MORN4: variants seen among roughly 807,000 people sequenced by gnomAD.
MORN4 encodes the protein MORN repeat-containing protein 4.
A neutral mutation model predicts 16.4 loss-of-function variants in MORN4; 8 were observed. The observed-to-expected ratio is 0.49, with a 90% CI of 0.29 to 0.88. The LOEUF is 0.88. Ranked by LOEUF, MORN4 falls within the 40% of genes least tolerant of loss-of-function variation. The pLI, the probability that MORN4 is intolerant of heterozygous loss-of-function variation, is 0.09. For missense variants in MORN4, 159 were observed against 182.9 expected, an observed-to-expected ratio of 0.87 and a Z score of 0.75; for synonymous variants, 53 against 68.9, an observed-to-expected ratio of 0.77 and a Z score of 1.14.
intron 4 of MORN4, 71 bp from the exon 5 acceptor site, chr10:97,616,482 G>A (rs2041237463): frequency 6.7e-7 from 1 of 1,500,494 alleles, no homozygotes; most frequent in East Asian, 2.3e-5. Flanking sequence ...CATATCTTTG[G>A]CCTTGATATG....
chr10:97,623,930 G>A (rs2041326526), intron 1 of MORN4, among the ~76,000 whole-genome samples: 1 of 151,972 alleles, frequency 6.6e-6, no homozygotes, highest in South Asian at 2.1e-4. Flanking sequence ...TAGAGATGGA[G>A]TTTCACCGTG....
chr10:97,625,431 T>C (rs2041338157), intron 1 of MORN4, among the ~76,000 whole-genome samples: 1 of 152,166 alleles, frequency 6.6e-6, no homozygotes, highest in Non-Finnish European at 1.5e-5. Flanking sequence ...TGAGAGTCAG[T>C]GGGTGACAGA....
intron 2 of MORN4, 58 bp downstream of exon 2, chr10:97,619,529 A>G: frequency 7.8e-7 from 1 of 1,288,374 alleles, no homozygotes; most frequent in Non-Finnish European, 1.1e-6. Context: ...ATCCTGATGT[A>G]TTTGTCCTCC....
At chr10:97,619,366 AAAAAG>A (rs1457289778) in intron 2 of MORN4, 2 of 583,066 alleles carry the variant, frequency 3.4e-6, no homozygotes, top group African/African-American at 3.7e-5. Flanking sequence ...CAGAAGCAAA[AAAAAG>A]AAAGATATAA....
intron 4 of MORN4, 75 bp downstream of exon 4, chr10:97,616,603 A>C (rs1589916913): frequency 7.4e-7 from 1 of 1,354,476 alleles, no homozygotes; most frequent in Admixed American, 1.7e-5. Context: ...CACCCGCAGG[A>C]TTAAAACTAA....
chr10:97,616,493 T>A, intron 4 of MORN4, 82 bp from the exon 5 acceptor site: 1 of 1,481,908 alleles, frequency 6.7e-7, no homozygotes, highest in Non-Finnish European at 9.1e-7. Context: ...CCTTGATATG[T>A]CCAGGCCAAA....
intron 1 of MORN4, among the ~76,000 whole-genome samples, chr10:97,629,834 C>T (rs1375232239): frequency 6.6e-6 from 1 of 151,794 alleles, no homozygotes; most frequent in Non-Finnish European, 1.5e-5. Context: ...TCTCGGCTCA[C>T]TGCAAGCTCC....
rs769922143 is a variant in MORN4, at chr10:97,619,574, G to A, written c.67+13C>T. 1.3e-6 allele frequency: 2 copies of A among 1,593,450 alleles called. No individual in the cohort carries two copies. The highest frequency in any genetic ancestry group is 1.7e-6 in the Non-Finnish European group (2 of 1,161,356). On this transcript the variant is annotated intron_variant, in intron 2 of 4. Coordinates refer to ENST00000307450, the MANE Select transcript of MORN4 (RefSeq NM_178832.4). ...AGTGTTCATCATGGATACTCCCCAG[G>A]GGTCCTTCTCACCCTCCTTCCACTC... is the stretch of plus-strand genomic sequence containing the variant.
At chr10:97,619,133 TG>T (rs1274453362) in intron 2 of MORN4, among the ~76,000 whole-genome samples, 1 of 152,124 alleles carries the variant, frequency 6.6e-6, no homozygotes, top group Admixed American at 6.5e-5. Flanking sequence ...GAGACCAGCC[TG>T]GCCAACATGG....
At position 97,616,160 on chromosome 10, in the gene MORN4, G is replaced by A; in HGVS notation, c.*103C>T. ...GCACATACAAGGCCTCTGCTCCACT[G>A]TCATTGTCAACTCATCTCAGCTCTG... On this transcript the variant is annotated 3_prime_UTR_variant, in exon 5 of 5. Transcript: ENST00000307450. 7.9e-7 allele frequency: 1 copy of A among 1,267,368 alleles called. No homozygotes were observed. The highest frequency in any genetic ancestry group is 1.1e-6 in the Non-Finnish European group (1 of 939,196). The allele number at this position is 1,267,368 out of a possible 1,614,324, so 78.5% of individuals were successfully genotyped here.
intron 1 of MORN4, among the ~76,000 whole-genome samples, chr10:97,624,943 G>A (rs1375555362): frequency 6.6e-6 from 1 of 152,052 alleles, no homozygotes; most frequent in Non-Finnish European, 1.5e-5. Context: ...TCCACCTGCC[G>A]CGGCCTCCCA....
At chr10:97,626,914 C>T (rs559484924) in intron 1 of MORN4, among the ~76,000 whole-genome samples, 7 of 151,740 alleles carry the variant, frequency 4.6e-5, no homozygotes, top group East Asian at 1.9e-4. Context: ...CCTGCCACCA[C>T]GCCCAGCTAA....
intron 2 of MORN4, among the ~76,000 whole-genome samples, chr10:97,618,258 CTT>C (rs1192502394): frequency 4.3e-5 from 4 of 92,818 alleles, no homozygotes; most frequent in African/African-American, 8.8e-5. Flanking sequence ...AGCCTCTCTT[CTT>C]TTTTTTTTTT....
chr10:97,630,203 A>G (rs1213692540), intron 1 of MORN4, among the ~76,000 whole-genome samples: 1 of 152,102 alleles, frequency 6.6e-6, no homozygotes, highest in Non-Finnish European at 1.5e-5. Context: ...CTGGGATTAC[A>G]GGCATGAGCC....
chr10:97,632,913 C>T (rs1178913035), intron 1 of MORN4, among the ~76,000 whole-genome samples: 4 of 152,100 alleles, frequency 2.6e-5, no homozygotes, highest in Admixed American at 2.6e-4. Flanking sequence ...TCCCATTCCC[C>T]AGGCTTCCAT....
At chr10:97,628,496 G>T (rs2135742521) in intron 1 of MORN4, among the ~76,000 whole-genome samples, 1 of 151,998 alleles carries the variant, frequency 6.6e-6, no homozygotes, top group East Asian at 1.9e-4. Flanking sequence ...TACGGACAAA[G>T]TACTAGTTTT....
chr10:97,630,410 T>C (rs1267992862), intron 1 of MORN4, among the ~76,000 whole-genome samples: 1 of 152,206 alleles, frequency 6.6e-6, no homozygotes, highest in Non-Finnish European at 1.5e-5. Flanking sequence ...GGTACTTTGT[T>C]ATACAGCAAT....
intron 1 of MORN4, among the ~76,000 whole-genome samples, chr10:97,630,635 A>G (rs539682410): frequency 6.6e-6 from 1 of 152,298 alleles, no homozygotes; most frequent in East Asian, 1.9e-4. Flanking sequence ...GTCTCAGGCC[A>G]TGGTTGAATA....
chr10:97,627,301 G>A (rs1322216149), intron 1 of MORN4, among the ~76,000 whole-genome samples: 4 of 150,846 alleles, frequency 2.7e-5, no homozygotes, highest in East Asian at 2.0e-4. Flanking sequence ...GTGCCACCAC[G>A]CCTAGCTACT....
Sources: allele counts gnomAD v4.1 joint callset (sites outside exome capture counted in the v4.1 genomes callset), GRCh38; gene constraint gnomAD v4.1.1; transcripts MANE v1.5; gene names NCBI Gene and HGNC (gene_info 2026-07-23, HGNC 2026-07-21).